The following ZNF385D variants were observed in gnomAD, a reference collection of about 807,000 sequenced individuals.
The protein encoded by ZNF385D is zinc finger protein 659.
A neutral mutation model predicts 35.8 loss-of-function variants in ZNF385D; 15 were observed. That is an observed-to-expected ratio of 0.42 (90% CI 0.28 to 0.64). The LOEUF (loss-of-function observed/expected upper bound fraction) is 0.64. Among genes scored for constraint, ZNF385D ranks in the 30% least tolerant of loss-of-function variants. The pLI is 0.23. For missense variants in ZNF385D, 474 were observed against 494.6 expected (o/e 0.96, Z 0.39); for synonymous variants, 212 against 186.8 (o/e 1.13, Z -1.10).
At chr3:22,184,788 G>C (rs763353790) in intron 2 of ZNF385D, among the ~76,000 whole-genome samples, 5 of 152,082 alleles carry the variant, frequency 3.3e-5, no homozygotes, top group South Asian at 2.1e-4. Flanking sequence ...GGTGACAAGA[G>C]TGAAACTACG....
chr3:22,262,093 C>CT (rs1217036952), intron 2 of ZNF385D, among the ~76,000 whole-genome samples: 1 of 151,726 alleles, frequency 6.6e-6, no homozygotes, highest in Non-Finnish European at 1.5e-5. Context: ...TAAATAGTGG[C>CT]TTTTTTGGTG....
At chr3:21,902,072 A>T (rs1699441824) in intron 3 of ZNF385D, among the ~76,000 whole-genome samples, 1 of 152,192 alleles carries the variant, frequency 6.6e-6, no homozygotes, top group South Asian at 2.1e-4. Context: ...AATGAAATTC[A>T]AGGTTGTGCC....
chr3:22,109,011 C>CA (rs567764790), intron 3 of ZNF385D, among the ~76,000 whole-genome samples: 4 of 152,088 alleles, frequency 2.6e-5, no homozygotes, highest in East Asian at 1.9e-4. Context: ...GATTCTGTCT[C>CA]AAAAAACAAA....
chr3:22,083,394 T>A (rs749841797), intron 3 of ZNF385D, among the ~76,000 whole-genome samples: 17 of 152,256 alleles, frequency 1.1e-4, no homozygotes, highest in Non-Finnish European at 2.2e-4. Flanking sequence ...TTAAATGACC[T>A]GATGGAGCTG....
At chr3:22,005,589 A>G (rs906673853) in intron 3 of ZNF385D, among the ~76,000 whole-genome samples, 4 of 152,158 alleles carry the variant, frequency 2.6e-5, no homozygotes, top group Admixed American at 6.5e-5. Flanking sequence ...TCAAAATAGC[A>G]CATGTATCCC....
In ZNF385D at chr3:21,639,920, CAT is replaced by C. The variant is rs986880603; in HGVS notation, c.165+24964_165+24965del. ...GAAAATTGAGACCAAACATTTCAGA[CAT>C]AGTTTTATTATATAAGAAACAATCC... On this transcript the variant is annotated intron_variant, in intron 2 of 7. Coordinates refer to ENST00000281523, the MANE Select transcript of ZNF385D (RefSeq NM_024697.3). Among the ~76,000 whole-genome samples the C allele has an allele frequency of 1.7e-4, 26 of 151,994 alleles. 1 individual carries two copies. Among genetic ancestry groups the C allele is most frequent in the Non-Finnish European group, 7.4e-5 (5 of 67,976 alleles).
chr3:22,263,082 G>A (rs1210445466), intron 2 of ZNF385D, among the ~76,000 whole-genome samples: 4 of 151,942 alleles, frequency 2.6e-5, no homozygotes, highest in Non-Finnish European at 5.9e-5. Flanking sequence ...ATTGCTCACT[G>A]ACCTTCCGTG....
At chr3:21,939,486 A>G (rs1701414935) in intron 3 of ZNF385D, among the ~76,000 whole-genome samples, 1 of 152,078 alleles carries the variant, frequency 6.6e-6, no homozygotes, top group Non-Finnish European at 1.5e-5. Flanking sequence ...CACAAAAAAA[A>G]CCATCCACCA....
intron 3 of ZNF385D, among the ~76,000 whole-genome samples, chr3:21,545,566 A>C (rs1316403777): frequency 6.6e-6 from 1 of 152,220 alleles, no homozygotes; most frequent in Non-Finnish European, 1.5e-5. Context: ...TTTGGAAACT[A>C]TGAGTATTCT....
intron 3 of ZNF385D, among the ~76,000 whole-genome samples, chr3:22,125,952 G>C (rs1226340971): frequency 6.6e-6 from 1 of 151,996 alleles, no homozygotes; most frequent in Non-Finnish European, 1.5e-5. Context: ...GTACTGTGTT[G>C]AATAACAGTG....
chr3:22,069,616 C>T (rs946937929), intron 3 of ZNF385D, among the ~76,000 whole-genome samples: 4 of 152,010 alleles, frequency 2.6e-5, no homozygotes, highest in Admixed American at 1.3e-4. Context: ...AATTTTTTGG[C>T]CTCTAAGAAT....
At chr3:22,077,432 T>C (rs1257592959) in intron 3 of ZNF385D, among the ~76,000 whole-genome samples, 1 of 151,996 alleles carries the variant, frequency 6.6e-6, no homozygotes, top group Non-Finnish European at 1.5e-5. Flanking sequence ...ATTACCTAAA[T>C]ACATCATCTA....
intron 3 of ZNF385D, among the ~76,000 whole-genome samples, chr3:21,773,383 CA>C (rs2071157755): frequency 6.6e-6 from 1 of 151,826 alleles, no homozygotes; most frequent in Non-Finnish European, 1.5e-5. Context: ...ATGAAGACTC[CA>C]AAAGCAATTG....
chr3:21,884,569 A>C (rs931758426), intron 3 of ZNF385D, among the ~76,000 whole-genome samples: 1 of 152,062 alleles, frequency 6.6e-6, no homozygotes, highest in African/African-American at 2.4e-5. Flanking sequence ...CAACATTAAA[A>C]AATTAATTAC....
chr3:21,869,685 AC>A (rs1251286480), intron 3 of ZNF385D, among the ~76,000 whole-genome samples: 1 of 152,288 alleles, frequency 6.6e-6, no homozygotes, highest in African/African-American at 2.4e-5. Flanking sequence ...TTTTACTGCA[AC>A]ATAAGATGAA....
chr3:21,688,710 A>T (rs1230677441), intron 1 of ZNF385D, among the ~76,000 whole-genome samples: 1 of 152,194 alleles, frequency 6.6e-6, no homozygotes, highest in African/African-American at 2.4e-5. Context: ...CATTTAATTA[A>T]CAACTCTAGG....
chr3:21,473,054 C>G (rs1704006270), intron 4 of ZNF385D, among the ~76,000 whole-genome samples: 1 of 152,162 alleles, frequency 6.6e-6, no homozygotes. Flanking sequence ...TAATCACCTT[C>G]AATCACCTTG....
rs1017068978 is a variant in ZNF385D at position 22,011,532 on chromosome 3, C to T, written c.325+157285G>A. ...CATGGAAAAGAGAAACATAGTAATA[C>T]AGTTTGATATTCCTTAGAAATTTTT... is the stretch of plus-strand genomic sequence containing the variant. On this transcript the variant is annotated intron_variant, in intron 3 of 5. Transcript: ENST00000494108. Among the ~76,000 whole-genome samples the T allele has an allele frequency of 2.6e-5, 4 of 151,982 alleles. 1 individual carries two copies. Among genetic ancestry groups the T allele is most frequent in the African/African-American group, 9.7e-5 (4 of 41,400 alleles).
intron 3 of ZNF385D, among the ~76,000 whole-genome samples, chr3:22,116,117 G>A (rs951526691): frequency 1.7e-4 from 26 of 151,936 alleles, no homozygotes; most frequent in African/African-American, 5.6e-4. Flanking sequence ...CCATGCTACG[G>A]TAGGATAATA....
Sources: allele counts gnomAD v4.1 joint callset (sites outside exome capture counted in the v4.1 genomes callset), GRCh38; gene constraint gnomAD v4.1.1; transcripts MANE v1.5; gene names NCBI Gene and HGNC (gene_info 2026-07-23, HGNC 2026-07-21).